The following CYP4X1 variants were observed in gnomAD, a reference collection of about 807,000 sequenced individuals.
CYP4X1 encodes cytochrome P450 4X1.
In CYP4X1, 44 loss-of-function variants were observed where a neutral mutation model predicts 57.9. The observed-to-expected ratio is 0.76, with a 90% confidence interval of 0.60 to 0.98. The LOEUF is 0.98. CYP4X1 is among the 50% of genes least tolerant of loss of function. The pLI is 0.00. For synonymous variants in CYP4X1, 227 were observed against 228.6 expected, an observed-to-expected ratio of 0.99 and a Z score of 0.06; for missense variants, 532 against 623.9, an observed-to-expected ratio of 0.85 and a Z score of 1.57.
the CYP4X1 span, among the ~76,000 whole-genome samples, chr1:46,996,320 G>A: frequency 6.6e-6 from 1 of 152,178 alleles, no homozygotes; most frequent in Non-Finnish European, 1.5e-5. Flanking sequence ...TAATGATTAG[G>A]TTGAGCATCC....
chr1:46,967,178 C>T, the CYP4X1 span, among the ~76,000 whole-genome samples: 1 of 152,146 alleles, frequency 6.6e-6, no homozygotes, highest in Non-Finnish European at 1.5e-5. Flanking sequence ...CACTAATAGG[C>T]CTGTAGAGCA....
chr1:46,984,178 C>T, the CYP4X1 span, among the ~76,000 whole-genome samples: 96 of 152,054 alleles, frequency 6.3e-4, 2 homozygotes, highest in Non-Finnish European at 1.3e-3. Flanking sequence ...ACGTCTAAGG[C>T]AGAAATGTGA....
At chr1:47,034,084 C>T (rs549477904) in intron 4 of CYP4X1, among the ~76,000 whole-genome samples, 1 of 152,306 alleles carries the variant, frequency 6.6e-6, no homozygotes, top group East Asian at 1.9e-4. Context: ...GCAGCTATAA[C>T]AGCTTCAGAT....
chr1:47,048,524 C>G (rs764912232), intron 9 of CYP4X1, 41 bp from the exon 10 acceptor site: 1 of 1,607,166 alleles, frequency 6.2e-7, no homozygotes, highest in Non-Finnish European at 8.5e-7. Context: ...CCACAACTTG[C>G]TCTTTCTCCT....
At chr1:46,995,130 G>A in the CYP4X1 span, among the ~76,000 whole-genome samples, 5 of 152,092 alleles carry the variant, frequency 3.3e-5, no homozygotes, top group African/African-American at 1.2e-4. Context: ...GGACTCAGGA[G>A]CCTCAAGCCT....
At chr1:46,999,347 T>A in the CYP4X1 span, among the ~76,000 whole-genome samples, 2 of 152,172 alleles carry the variant, frequency 1.3e-5, no homozygotes, top group South Asian at 4.1e-4. Context: ...GGCTTTCTAG[T>A]TTGTGTGTAT....
At chr1:47,055,055 T>C (rs1198269933), downstream of CYP4X1, among the ~76,000 whole-genome samples, 2 of 152,214 alleles carry the variant, frequency 1.3e-5, no homozygotes, top group African/African-American at 4.8e-5. Flanking sequence ...TGGCTGTGGG[T>C]TTGTCATAGA....
the CYP4X1 span, among the ~76,000 whole-genome samples, chr1:46,976,903 G>T: frequency 3.3e-5 from 5 of 152,050 alleles, no homozygotes; most frequent in African/African-American, 1.2e-4. Flanking sequence ...AAGGAAAACT[G>T]ACAGACAGAA....
At chr1:46,964,443 A>G in the CYP4X1 span, among the ~76,000 whole-genome samples, 2 of 151,946 alleles carry the variant, frequency 1.3e-5, no homozygotes, top group African/African-American at 2.4e-5. Flanking sequence ...TCTGTTTGTT[A>G]GTTTTCCTTC....
At chr1:47,038,535 A>T (rs1021468542) in intron 6 of CYP4X1, 125 bp from the exon 7 acceptor site, 1 of 535,658 alleles carries the variant, frequency 1.9e-6, no homozygotes, top group African/African-American at 2.0e-5. Context: ...CATCTGTGAA[A>T]ATTAGATCTA....
At chr1:46,992,255 G>A in the CYP4X1 span, among the ~76,000 whole-genome samples, 2 of 152,236 alleles carry the variant, frequency 1.3e-5, no homozygotes, top group Non-Finnish European at 2.9e-5. Context: ...GGCAGAGGTT[G>A]AAGAATATAA....
chr1:46,992,134 C>A, the CYP4X1 span, among the ~76,000 whole-genome samples: 1 of 152,172 alleles, frequency 6.6e-6, no homozygotes, highest in Non-Finnish European at 1.5e-5. Context: ...TGGTGAAACC[C>A]TGTCTCTACT....
chr1:46,994,718 A>G, the CYP4X1 span, among the ~76,000 whole-genome samples: 1 of 152,222 alleles, frequency 6.6e-6, no homozygotes, highest in Admixed American at 6.5e-5. Flanking sequence ...AGCTGTCCAT[A>G]GTAATGGCCA....
chr1:47,035,825 G>A lies in CYP4X1; in HGVS notation c.512G>A (p.Cys171Tyr), dbSNP rs761147960. Residue 171 changes from cysteine (C) to tyrosine (Y), a missense_variant, in exon 5 of 12, where the codon TGC (cysteine) becomes TAC (tyrosine). Transcript: ENST00000371901. Reference protein sequence around the residue: ...KMMLDKWEKICSTQDTSVEVY... With the variant: ...KMMLDKWEKIYSTQDTSVEVY... ...TGCCAGGATAAGTGGGAGAAGATTT[G>A]CAGCACTCAGGACACAAGCGTGGAG... 5 of 1,612,868 alleles carry A rather than the reference G, an allele frequency of 3.1e-6. No individual in the cohort carries two copies. The highest frequency in any genetic ancestry group is 4.2e-6 in the Non-Finnish European group (5 of 1,179,472).
At chr1:46,972,963 A>G in the CYP4X1 span, among the ~76,000 whole-genome samples, 1 of 152,018 alleles carries the variant, frequency 6.6e-6, no homozygotes, top group Non-Finnish European at 1.5e-5. Flanking sequence ...GATTTCCAGT[A>G]TTATGTTGAA....
At chr1:47,012,613 G>A in the CYP4X1 span, among the ~76,000 whole-genome samples, 2 of 151,052 alleles carry the variant, frequency 1.3e-5, no homozygotes, top group African/African-American at 2.4e-5. Flanking sequence ...AAAAAAAAAA[G>A]GTCTGGCATA....
chr1:47,000,369 A>G, the CYP4X1 span, among the ~76,000 whole-genome samples: 1 of 152,042 alleles, frequency 6.6e-6, no homozygotes, highest in Non-Finnish European at 1.5e-5. Flanking sequence ...AGCAGTGTGA[A>G]AACAGATAAA....
chr1:47,049,960 C>A (rs747411253), intron 11 of CYP4X1, 40 bp from the exon 12 acceptor site: 5 of 1,592,670 alleles, frequency 3.1e-6, no homozygotes, highest in Admixed American at 3.4e-5. Context: ...GAAGAAACAT[C>A]ATTTTTTCAA....
chr1:47,049,985 C>T lies in CYP4X1; in HGVS notation c.1356-15C>T. The T allele has an allele frequency of 6.2e-7, 1 of 1,608,964 alleles. No homozygotes were observed. Among genetic ancestry groups the T allele is most frequent in the Non-Finnish European group, 8.5e-7 (1 of 1,178,062 alleles). ...CATTTTTTCAAGTATCACTTTCTTT[C>T]CCTCTTGTCTTCAGGAACTGCATTG... is the stretch of plus-strand genomic sequence containing the variant. On this transcript the variant is annotated splice_polypyrimidine_tract_variant and intron_variant, in intron 11 of 11. Transcript: ENST00000371901.
Sources: gnomAD v4.1 joint callset for allele counts (sites outside exome capture counted in the v4.1 genomes callset) on GRCh38, gnomAD v4.1.1 for gene constraint, MANE v1.5 for transcripts, NCBI Gene and HGNC (gene_info 2026-07-23, HGNC 2026-07-21) for gene names.